The following VMP1 variants were observed in gnomAD, a reference collection of about 807,000 sequenced individuals.
The protein encoded by VMP1 is ectopic P-granules autophagy protein 3 homolog.
VMP1 carries 11 observed loss-of-function variants against 56.0 expected under a neutral mutation model. The ratio of observed to expected loss-of-function variants is 0.20; its 90% confidence interval spans 0.12 to 0.32. VMP1 has a LOEUF of 0.32. Ranked by LOEUF, VMP1 falls within the 10% of genes least tolerant of loss-of-function variation. VMP1 has a pLI of 1.00. For synonymous variants in VMP1, 149 were observed against 165.0 expected (o/e 0.90, Z 0.74); for missense variants, 296 against 490.3 (o/e 0.60, Z 3.74).
chr17:59,727,665 T>C (rs1443237118), intron 1 of VMP1, among the ~76,000 whole-genome samples: 1 of 152,186 alleles, frequency 6.6e-6, no homozygotes, highest in Admixed American at 6.5e-5. Context: ...AACACTGGCA[T>C]CACTGATACA....
chr17:59,732,950 T>C (rs1266250884), intron 2 of VMP1, among the ~76,000 whole-genome samples: 1 of 152,152 alleles, frequency 6.6e-6, no homozygotes, highest in Admixed American at 6.5e-5. Context: ...GAAGGATCTC[T>C]TGAGCCCAGG....
At chr17:59,713,329 A>C (rs571760461) in intron 1 of VMP1, among the ~76,000 whole-genome samples, 13 of 152,206 alleles carry the variant, frequency 8.5e-5, no homozygotes, top group African/African-American at 3.1e-4. Context: ...GCAGCACACC[A>C]ACATGGCACA....
At chr17:59,767,481 A>G (rs2036272931) in intron 6 of VMP1, among the ~76,000 whole-genome samples, 1 of 152,216 alleles carries the variant, frequency 6.6e-6, no homozygotes, top group African/African-American at 2.4e-5. Flanking sequence ...TTGATGAAAA[A>G]AATGTTAGAA....
At chr17:59,750,302 A>ATTT (rs201862660) in intron 5 of VMP1, among the ~76,000 whole-genome samples, 1 of 143,104 alleles carries the variant, frequency 7.0e-6, no homozygotes. Context: ...ACAATGAATA[A>ATTT]TTTTTTTTTT....
At chr17:59,744,099 T>C (rs1004753005) in intron 5 of VMP1, among the ~76,000 whole-genome samples, 9 of 151,746 alleles carry the variant, frequency 5.9e-5, no homozygotes, top group Admixed American at 2.0e-4. Flanking sequence ...TTTGTTTTTT[T>C]TTTTTAAATC....
intron 7 of VMP1, among the ~76,000 whole-genome samples, chr17:59,777,940 T>C (rs1167450799): frequency 6.6e-6 from 1 of 152,142 alleles, no homozygotes; most frequent in Non-Finnish European, 1.5e-5. Context: ...TTTATGTGAG[T>C]TTTCCCTCTT....
intron 5 of VMP1, among the ~76,000 whole-genome samples, chr17:59,748,184 A>G (rs1218215416): frequency 7.6e-6 from 1 of 130,802 alleles, no homozygotes; most frequent in African/African-American, 3.1e-5. Context: ...CAATAGAGCG[A>G]GACTCCGTCT....
chr17:59,738,847 G>T lies in VMP1; in HGVS notation c.314G>T (p.Arg105Leu), dbSNP rs115657588. The T allele has an allele frequency of 6.2e-7, 1 of 1,611,414 alleles. No individual in the cohort carries two copies. Among genetic ancestry groups the T allele is most frequent in the Non-Finnish European group, 8.5e-7 (1 of 1,178,834 alleles). ...VEGVHQQYVQ[R>L]IEKQFLLYAY... ...ATCCCTTTTTTTCAGTATGTGCAAC[G>T]TATAGAGAAACAGTTTCTTTTGTAT... The change falls in exon 5 of 12, where the codon CGT becomes CTT. Residue 105 changes from arginine to leucine, a missense_variant. Arg to Leu is a moderately radical substitution (Grantham distance 102, BLOSUM62 -2). Around this residue, in one of 4 missense-constraint regions of VMP1, gnomAD observed 126 missense variants for 231.6 expected, o/e 0.54. Coordinates refer to ENST00000262291, the MANE Select transcript of VMP1 (RefSeq NM_030938.5).
At chr17:59,716,944 A>C (rs551369966) in intron 1 of VMP1, among the ~76,000 whole-genome samples, 3 of 152,058 alleles carry the variant, frequency 2.0e-5, no homozygotes, top group Non-Finnish European at 4.4e-5. Flanking sequence ...TCATTATCTT[A>C]ATTCTTGACC....
intron 7 of VMP1, among the ~76,000 whole-genome samples, chr17:59,790,100 C>A (rs1467693878): frequency 6.6e-6 from 1 of 152,022 alleles, no homozygotes. Flanking sequence ...CTCAGCCTCC[C>A]AAAGTGCAGG....
At chr17:59,715,501 G>GATCC (rs1467860690) in intron 1 of VMP1, among the ~76,000 whole-genome samples, 2 of 152,100 alleles carry the variant, frequency 1.3e-5, no homozygotes, top group Admixed American at 6.6e-5. Context: ...CGGCCCCCAT[G>GATCC]ATCCAATCAC....
At chr17:59,833,453 A>G (rs1290190420) in intron 10 of VMP1, among the ~76,000 whole-genome samples, 4 of 152,156 alleles carry the variant, frequency 2.6e-5, no homozygotes, top group African/African-American at 9.7e-5. Flanking sequence ...CAGGAATTTG[A>G]GACCCACCTG....
rs1193640472 is a variant in VMP1 at position 59,793,624 on chromosome 17, GTTTA to G, written c.715-15160_715-15157del. ...TGCACGCGTGCGCATGTGTGTGTGT[GTTTA>G]TTTATTTATTTTTTTTGAGATGGAG... On this transcript the variant is annotated intron_variant, in intron 7 of 11. Transcript: ENST00000262291. Among the ~76,000 whole-genome samples the G allele has an allele frequency of 2.6e-5, 3 of 114,348 alleles. 1 individual carries two copies. Among genetic ancestry groups the G allele is most frequent in the Non-Finnish European group, 6.5e-5 (3 of 46,314 alleles). The allele number at this position is 114,348 out of a possible 152,430, so 75.0% of individuals were successfully genotyped here.
At chr17:59,746,109 G>C (rs925096901) in intron 5 of VMP1, among the ~76,000 whole-genome samples, 1 of 152,162 alleles carries the variant, frequency 6.6e-6, no homozygotes, top group African/African-American at 2.4e-5. Flanking sequence ...AGATACCTAC[G>C]TGTTTGGCTT....
At chr17:59,797,168 T>C (rs909382956) in intron 7 of VMP1, among the ~76,000 whole-genome samples, 5 of 137,662 alleles carry the variant, frequency 3.6e-5, no homozygotes, top group East Asian at 2.4e-4. Context: ...CCCCCCCCCG[T>C]CTCTACTAAA....
intron 7 of VMP1, among the ~76,000 whole-genome samples, chr17:59,803,091 A>G (rs1045232092): frequency 2.6e-5 from 4 of 152,198 alleles, no homozygotes; most frequent in African/African-American, 7.2e-5. Flanking sequence ...CCTCGTGAAA[A>G]TGAAAATGTT....
At chr17:59,737,284 A>G (rs1313724310) in intron 3 of VMP1, among the ~76,000 whole-genome samples, 169 bp from the exon 4 acceptor site, 1 of 152,132 alleles carries the variant, frequency 6.6e-6, no homozygotes, top group African/African-American at 2.4e-5. Context: ...CTGCCTATGT[A>G]TCTTCCCTTG....
chr17:59,745,425 G>A (rs1256646996), intron 5 of VMP1, among the ~76,000 whole-genome samples: 2 of 152,180 alleles, frequency 1.3e-5, no homozygotes, highest in African/African-American at 4.8e-5. Context: ...TTATAGAAAA[G>A]AGTAAAATAA....
chr17:59,805,685 A>C (rs1398043278), intron 7 of VMP1, among the ~76,000 whole-genome samples: 3 of 151,772 alleles, frequency 2.0e-5, no homozygotes, highest in Non-Finnish European at 2.9e-5. Flanking sequence ...GGAAATTAAT[A>C]TAAAAGAAAG....
Sources: allele counts gnomAD v4.1 joint callset (sites outside exome capture counted in the v4.1 genomes callset), GRCh38; gene constraint gnomAD v4.1.1; regional missense constraint gnomAD v4.1.1; transcripts MANE v1.5; gene names NCBI Gene and HGNC (gene_info 2026-07-23, HGNC 2026-07-21).